Variants in NRXN1 observed in about 807,000 individuals in gnomAD.
NRXN1 encodes neurexin-1.
Under a neutral mutation model 150.9 loss-of-function variants are expected in NRXN1, and 39 were observed. The ratio of observed to expected loss-of-function variants is 0.26; its 90% CI spans 0.20 to 0.34. The LOEUF (loss-of-function observed/expected upper bound fraction) is 0.34, where lower values mean the gene tolerates loss of function less well. Among genes scored for constraint, NRXN1 ranks in the 10% least tolerant of loss-of-function variants. NRXN1 has a pLI of 1.00. For synonymous variants in NRXN1, 924 were observed against 757.0 expected (o/e 1.22, Z -3.62); for missense variants, 1,815 against 1,949.9 (o/e 0.93, Z 1.30).
At chr2:50,321,970 A>C (rs1365272320) in intron 17 of NRXN1, among the ~76,000 whole-genome samples, 4 of 151,522 alleles carry the variant, frequency 2.6e-5, no homozygotes, top group African/African-American at 9.7e-5. Flanking sequence ...TAGCTGAGTT[A>C]TCATTGATGC....
chr2:50,706,668 A>G (rs1027544912), intron 5 of NRXN1, among the ~76,000 whole-genome samples: 1 of 152,156 alleles, frequency 6.6e-6, no homozygotes, highest in Non-Finnish European at 1.5e-5. Flanking sequence ...ATTTGACTCT[A>G]CTTAGCCAAA....
chr2:50,110,440 T>C (rs1476695932), intron 18 of NRXN1, among the ~76,000 whole-genome samples: 2 of 135,748 alleles, frequency 1.5e-5, no homozygotes, highest in South Asian at 4.4e-4. Context: ...TGCAGTGAGC[T>C]GAGATCGCGC....
intron 5 of NRXN1, among the ~76,000 whole-genome samples, chr2:50,709,076 C>A (rs1048697581): frequency 8.5e-5 from 13 of 152,086 alleles, no homozygotes; most frequent in African/African-American, 3.1e-4. Flanking sequence ...TCAGAGGTGA[C>A]AAGGTCAGTA....
Position 50,497,647 on chromosome 2 carries a change from T to C in NRXN1, c.2565A>G (p.Arg855=). The C allele has an allele frequency of 6.2e-7, 1 of 1,613,922 alleles. No homozygotes were observed. The highest frequency in any genetic ancestry group is 8.5e-7 in the Non-Finnish European group (1 of 1,179,828). The change falls in exon 14 of 23, where the codon CGA becomes CGG. Residue 855 remains arginine (R), a synonymous_variant. Transcript: ENST00000401669. ...HNIETGIITE[R]RYLSSVPSNF... ...TGGAGGGGACAGAAGAAAGATACCG[T>C]CGTTCTGTGATGATGCCAGTCTCTA...
chr2:50,429,076 GAAA>G (rs1167578846), intron 17 of NRXN1, among the ~76,000 whole-genome samples: 1 of 151,732 alleles, frequency 6.6e-6, no homozygotes, highest in East Asian at 1.9e-4. Context: ...ACATTTTTTG[GAAA>G]TAATTTTAAA....
At chr2:50,672,121 T>G (rs1366072766) in intron 5 of NRXN1, among the ~76,000 whole-genome samples, 1 of 151,956 alleles carries the variant, frequency 6.6e-6, no homozygotes, top group Non-Finnish European at 1.5e-5. Flanking sequence ...GTAACCATAA[T>G]TTGCTATAAT....
rs146804081 is a variant in NRXN1 at position 50,034,756 on chromosome 2, C to G, written c.4128+18515G>C. 5.4e-4 allele frequency among the ~76,000 whole-genome samples: 82 copies of G among 152,118 alleles called. No individual in the cohort carries two copies. In the East Asian group the frequency reaches 0.015, roughly 28 times the overall value. On this transcript the variant is annotated intron_variant, in intron 21 of 22. Transcript: ENST00000401669. ...TTTGAATGTGGTTTTGTATATGACT[C>G]AAACCCATATAGATCTGTACCCTAT...
At chr2:50,394,753 T>G (rs375312714) in intron 17 of NRXN1, among the ~76,000 whole-genome samples, 4 of 152,070 alleles carry the variant, frequency 2.6e-5, no homozygotes, top group African/African-American at 9.7e-5. Context: ...TCTAACACAC[T>G]TAGGGTAAAA....
At position 50,598,487 on chromosome 2, in the gene NRXN1, A is replaced by G. The variant is rs1199948541; in HGVS notation, c.1320+21535T>C. On this transcript the variant is annotated intron_variant, in intron 8 of 22. Transcript: ENST00000401669. ...GTTTAAAGACTAAATAGCATGTGTAAAATGCCCCAAAGCCATTTATACACA... is the reference window on the plus strand; with the variant it reads ...GTTTAAAGACTAAATAGCATGTGTAGAATGCCCCAAAGCCATTTATACACA... Among the ~76,000 whole-genome samples, 5 of 151,526 alleles carry G rather than the reference A, an allele frequency of 3.3e-5. No individual in the cohort carries two copies. The East Asian group carries it at 9.7e-4, about 29-fold the overall frequency.
At chr2:50,277,092 A>G (rs1318632012) in intron 17 of NRXN1, among the ~76,000 whole-genome samples, 1 of 152,130 alleles carries the variant, frequency 6.6e-6, no homozygotes, top group Non-Finnish European at 1.5e-5. Flanking sequence ...AGAATGTAAG[A>G]ATGTTTTTAA....
chr2:50,329,631 A>G (rs1558536420), intron 17 of NRXN1, among the ~76,000 whole-genome samples: 51 of 4,904 alleles, frequency 0.01, no homozygotes, highest in East Asian at 0.034. Flanking sequence ...ATATATATAT[A>G]TATATATATA....
intron 5 of NRXN1, among the ~76,000 whole-genome samples, chr2:50,852,045 G>A (rs182871848): frequency 2.4e-4 from 37 of 152,266 alleles, no homozygotes; most frequent in Non-Finnish European, 4.0e-4. Context: ...GATCTGAAAG[G>A]CAAGGGACAC....
chr2:50,172,430 G>A (rs17040102), intron 18 of NRXN1, among the ~76,000 whole-genome samples: 2,221 of 152,152 alleles, frequency 0.015, 54 homozygotes, highest in African/African-American at 0.051. Flanking sequence ...CAGGGCAAAA[G>A]TCCTAACATC....
chr2:50,542,371 A>C (rs1213742166), intron 9 of NRXN1, among the ~76,000 whole-genome samples: 2 of 152,194 alleles, frequency 1.3e-5, no homozygotes, highest in African/African-American at 4.8e-5. Context: ...CCTTTAATTC[A>C]AATTTAATCC....
In NRXN1 at chr2:50,347,105, T is replaced by C. The variant is rs2078059491; in HGVS notation, c.3365-110135A>G. On this transcript the variant is annotated intron_variant, in intron 17 of 22. Coordinates refer to ENST00000401669, the MANE Select transcript of NRXN1 (RefSeq NM_001330078.2). This position sits in a 1 kb window ranked among gnomAD's most constrained non-coding sequence, Gnocchi z 4.9. ...CATCCTCTCCCTCCTTCGGACAGTC[T>C]TCTCGGGGTCCTGGAGTCCGCCGTG... 10 of 1,386,228 alleles carry C rather than the reference T, an allele frequency of 7.2e-6. No individual in the cohort carries two copies. Among genetic ancestry groups the C allele is most frequent in the Non-Finnish European group, 9.5e-6 (10 of 1,053,238 alleles). 85.9% of individuals were successfully genotyped at this position (1,386,228 alleles called of 1,614,324 possible).
chr2:50,615,519 C>G (rs1345819106), intron 8 of NRXN1: 1 of 152,082 alleles, frequency 6.6e-6, no homozygotes, highest in African/African-American at 2.4e-5. Flanking sequence ...ATTGCAGGAA[C>G]AGGTTCTGAG....
intron 12 of NRXN1, among the ~76,000 whole-genome samples, chr2:50,527,764 A>G (rs1338586229): frequency 2.6e-5 from 4 of 152,156 alleles, no homozygotes; most frequent in Non-Finnish European, 4.4e-5. Flanking sequence ...CACATTCAGC[A>G]TTGTTTTGAG....
chr2:50,276,713 C>T (rs974843125), intron 17 of NRXN1, among the ~76,000 whole-genome samples: 20 of 152,194 alleles, frequency 1.3e-4, no homozygotes, highest in African/African-American at 3.6e-4. Context: ...TAATCTTTCT[C>T]TAACAGACAT....
chr2:50,721,038 A>G (rs1420450769), intron 5 of NRXN1, among the ~76,000 whole-genome samples: 2 of 152,166 alleles, frequency 1.3e-5, no homozygotes, highest in African/African-American at 4.8e-5. Flanking sequence ...AACCTCAAAA[A>G]TATGGATTTA....
Sources: gnomAD v4.1 joint callset for allele counts (sites outside exome capture counted in the v4.1 genomes callset) on GRCh38, gnomAD v4.1.1 for gene constraint, Gnocchi (gnomAD v3.1) non-coding constraint, MANE v1.5 for transcripts, NCBI Gene and HGNC (gene_info 2026-07-23, HGNC 2026-07-21) for gene names.